LRIG2: variants seen among roughly 807,000 people sequenced by gnomAD.
LRIG2 encodes leucine-rich repeats and immunoglobulin-like domains protein 2.
In LRIG2, 93 loss-of-function variants were observed where a neutral mutation model predicts 107.8. The ratio of observed to expected loss-of-function variants is 0.86; its 90% CI spans 0.73 to 1.03. LRIG2 has a LOEUF of 1.03. LRIG2 is among the 50% of genes least tolerant of loss of function. The pLI is 0.00. For missense variants in LRIG2, 1,226 were observed against 1,296.0 expected (o/e 0.95, Z 0.83); for synonymous variants, 471 against 470.6 (o/e 1.00, Z -0.01).
Position 113,073,566 on chromosome 1 carries a change from C to T in LRIG2, c.160C>T (p.Leu54=), listed in dbSNP as rs554168886. ...GCCCTGCTCCTGCCGCATTCCTCTC[C>T]TGGACTGCAGTCGCAGGAAATTGCC... ...PAPCSCRIPL[L]DCSRRKLPAP... is the part of the protein sequence containing the mutation. The change falls in exon 1 of 18, where the codon CTG becomes TTG. Residue 54 remains leucine, a synonymous_variant. Coordinates refer to ENST00000361127, the MANE Select transcript of LRIG2 (RefSeq NM_014813.3). 7 of 1,614,106 alleles carry T rather than the reference C, an allele frequency of 4.3e-6. No homozygotes were observed. In the African/African-American group the frequency reaches 8.0e-5, roughly 18 times the overall value.
Position 113,110,366 on chromosome 1 carries a change from CAA to C in LRIG2, c.1604_1605del (p.Lys535ArgfsTer3). On this transcript the variant is annotated frameshift_variant, in exon 13 of 18. Transcript: ENST00000361127. LOFTEE classifies it high-confidence loss of function. ...ATTCACCCATGTCCACTGTGTGGCG[CAA>C]AGACAGTGAAATCCTGTATGACGTG... Reference protein sequence around the residue: ...SDSPMSTVWRKDSEILYDVDT... With the variant: ...SDSPMSTVWRXDSEILYDVDT... 1.2e-6 allele frequency: 2 copies of C among 1,614,118 alleles called. No homozygotes were observed. Among genetic ancestry groups the C allele is most frequent in the Non-Finnish European group, 1.7e-6 (2 of 1,180,018 alleles).
Position 113,129,626 on chromosome 1 carries a change from G to A in LRIG2, c.*5525G>A, listed in dbSNP as rs1456595384. The A allele has an allele frequency of 6.6e-6, 1 of 152,148 alleles. No homozygotes were observed. The highest frequency in any genetic ancestry group is 1.5e-5 in the Non-Finnish European group (1 of 68,030). The allele number at this position is 152,148 out of a possible 1,614,324, so 9.4% of individuals were successfully genotyped here. On this transcript the variant is annotated 3_prime_UTR_variant, in exon 18 of 18. Coordinates refer to ENST00000361127, the MANE Select transcript of LRIG2 (RefSeq NM_014813.3). Reference sequence around the variant, plus strand: ...ATCAAGCAATATGTTAACCCTCTAAGTAGGATTAGTGTCCCATGAGTATTT... The same window carrying A: ...ATCAAGCAATATGTTAACCCTCTAAATAGGATTAGTGTCCCATGAGTATTT...
At chr1:113,118,577 A>G (rs1007853509) in intron 16 of LRIG2, among the ~76,000 whole-genome samples, 19 of 152,142 alleles carry the variant, frequency 1.2e-4, no homozygotes, top group Admixed American at 9.2e-4. Flanking sequence ...TCTATCCACA[A>G]TAGACAGAGA....
chr1:113,089,854 G>A (rs1570736201), intron 1 of LRIG2, among the ~76,000 whole-genome samples: 1 of 151,698 alleles, frequency 6.6e-6, no homozygotes, highest in East Asian at 1.9e-4. Context: ...CACCATGCCT[G>A]GCTAATTTTT....
intron 11 of LRIG2, among the ~76,000 whole-genome samples, chr1:113,102,983 C>T (rs955039153): frequency 7.2e-6 from 1 of 138,544 alleles, no homozygotes; most frequent in Non-Finnish European, 1.5e-5. Flanking sequence ...TGACTTACTA[C>T]AAATTAGTAT....
chr1:113,105,428 A>G (rs887630432), intron 11 of LRIG2, among the ~76,000 whole-genome samples: 11 of 152,190 alleles, frequency 7.2e-5, no homozygotes, highest in African/African-American at 2.4e-4. Context: ...ATTTTCTACT[A>G]TAATTATATA....
intron 15 of LRIG2, 111 bp from the exon 16 acceptor site, chr1:113,116,176 C>G: frequency 1.3e-6 from 1 of 777,100 alleles, no homozygotes; most frequent in African/African-American, 1.7e-5. Flanking sequence ...GTCCTAGGTA[C>G]GTACAGTTTT....
intron 1 of LRIG2, among the ~76,000 whole-genome samples, chr1:113,088,085 G>A (rs1653638583): frequency 6.6e-6 from 1 of 152,136 alleles, no homozygotes; most frequent in South Asian, 2.1e-4. Flanking sequence ...TATATTAGTT[G>A]CTTTCTATGA....
chr1:113,094,287 G>A, intron 4 of LRIG2, 52 bp from the exon 5 acceptor site: 1 of 1,430,576 alleles, frequency 7.0e-7, no homozygotes, highest in East Asian at 2.5e-5. Context: ...TCTAGTGGTA[G>A]AATTTTTATT....
At chr1:113,091,464 C>A in intron 2 of LRIG2, 81 bp downstream of exon 2, 4 of 813,150 alleles carry the variant, frequency 4.9e-6, no homozygotes, top group South Asian at 1.9e-5. Flanking sequence ...ATGTTTAATC[C>A]AGAGATGCCA....
In LRIG2 at chr1:113,084,420, T is replaced by G. The variant is rs573182597; in HGVS notation, c.240-6898T>G. 3.3e-5 allele frequency among the ~76,000 whole-genome samples: 5 copies of G among 152,102 alleles called. No individual in the cohort carries two copies. The East Asian group carries it at 9.7e-4, about 29-fold the overall frequency. On this transcript the variant is annotated intron_variant, in intron 1 of 17. Transcript: ENST00000361127. The stretch of plus-strand genomic sequence containing the variant: ...TTAGTAGAGACGGGGTTTCACCGTG[T>G]TAGCCAAGATGGTCTCGATCTCCTG...
Position 113,073,373 on chromosome 1 carries a change from G to C in LRIG2, c.-34G>C. On this transcript the variant is annotated 5_prime_UTR_variant, in exon 1 of 18. Coordinates refer to ENST00000361127, the MANE Select transcript of LRIG2 (RefSeq NM_014813.3). ...GCCGATCCTCCTTTTCTAGCAGGCA[G>C]CTCTTCTAGGCCACGTCCAGGTCGA... The C allele has an allele frequency of 6.4e-7, 1 of 1,553,406 alleles. No individual in the cohort carries two copies. Among genetic ancestry groups the C allele is most frequent in the Non-Finnish European group, 8.9e-7 (1 of 1,129,004 alleles).
At chr1:113,076,742 G>A (rs1652998269) in intron 1 of LRIG2, among the ~76,000 whole-genome samples, 2 of 152,146 alleles carry the variant, frequency 1.3e-5, no homozygotes, top group Admixed American at 1.3e-4. Context: ...CCATCAAAAT[G>A]ATTATGGACA....
At position 113,114,600 on chromosome 1, in the gene LRIG2, A is replaced by T; in HGVS notation, c.2254A>T (p.Ile752Phe). The T allele has an allele frequency of 6.2e-7, 1 of 1,614,074 alleles. No homozygotes were observed. Among genetic ancestry groups the T allele is most frequent in the Non-Finnish European group, 8.5e-7 (1 of 1,180,002 alleles). The change falls in exon 15 of 18, where the codon ATC becomes TTC. Residue 752 changes from isoleucine (I) to phenylalanine (F), a missense_variant. Ile to Phe is a conservative substitution (Grantham distance 21). Coordinates refer to ENST00000361127, the MANE Select transcript of LRIG2 (RefSeq NM_014813.3). Reference sequence around the variant, plus strand: ...CTTTGCTGCAGCCAATCAGCTTCTCATCATTGTAGATGCCGGGCTAGAAGA... The same window carrying T: ...CTTTGCTGCAGCCAATCAGCTTCTCTTCATTGTAGATGCCGGGCTAGAAGA... ...HFFAAANQLL[I>F]IVDAGLEDAG... is the part of the protein sequence containing the mutation.
chr1:113,125,547 G>GTTACT lies in LRIG2; in HGVS notation c.*1450_*1454dup, dbSNP rs1201470508. The GTTACT allele has an allele frequency of 6.6e-6, 1 of 152,144 alleles. No individual in the cohort carries two copies. Among genetic ancestry groups the GTTACT allele is most frequent in the African/African-American group, 2.4e-5 (1 of 41,416 alleles). 9.4% of individuals were successfully genotyped at this position (152,144 alleles called of 1,614,324 possible). A position where few individuals can be genotyped will look rare whatever the true frequency, so the allele number is the denominator to read the frequency against. ...AGGAACCAATGAGTTAGATCGGGTT[G>GTTACT]TTACTTTATGTATAATGAACGCTTC... On this transcript the variant is annotated 3_prime_UTR_variant, in exon 18 of 18. Coordinates refer to ENST00000361127, the MANE Select transcript of LRIG2 (RefSeq NM_014813.3).
rs1215414525 is a variant in LRIG2 at position 113,129,671 on chromosome 1, T to A, written c.*5570T>A. The A allele has an allele frequency of 6.6e-6, 1 of 152,236 alleles. No homozygotes were observed. The highest frequency in any genetic ancestry group is 1.5e-5 in the Non-Finnish European group (1 of 68,046). 9.4% of individuals were successfully genotyped at this position (152,236 alleles called of 1,614,324 possible). A position where few individuals can be genotyped will look rare whatever the true frequency, so the allele number is the denominator to read the frequency against. On this transcript the variant is annotated 3_prime_UTR_variant, in exon 18 of 18. Coordinates refer to ENST00000361127, the MANE Select transcript of LRIG2 (RefSeq NM_014813.3). ...GTATTTCTTCCAGCAGAATCATGTC[T>A]GCCTAATGCTAATCAGGAATGTTGC...
At chr1:113,083,356 T>TAC (rs922192963) in intron 1 of LRIG2, among the ~76,000 whole-genome samples, 1 of 147,966 alleles carries the variant, frequency 6.8e-6, no homozygotes, top group Non-Finnish European at 1.5e-5. Context: ...TTTTTTTTTT[T>TAC]TTTTTTTGAG....
chr1:113,120,505 A>ATTCT (rs1655201869), intron 17 of LRIG2, among the ~76,000 whole-genome samples: 1 of 126,280 alleles, frequency 7.9e-6, no homozygotes, highest in African/African-American at 2.9e-5. Context: ...TACTGAGAAG[A>ATTCT]TTTTTTTTTT....
intron 1 of LRIG2, among the ~76,000 whole-genome samples, chr1:113,085,498 G>A (rs909347669): frequency 6.6e-6 from 1 of 152,180 alleles, no homozygotes; most frequent in African/African-American, 2.4e-5. Context: ...TGGTCAGGCT[G>A]GTCCCGCACT....
Sources: gnomAD v4.1 joint callset for allele counts (sites outside exome capture counted in the v4.1 genomes callset) on GRCh38, gnomAD v4.1.1 for gene constraint, MANE v1.5 for transcripts, NCBI Gene and HGNC (gene_info 2026-07-23, HGNC 2026-07-21) for gene names.